PIP5K1C: variants seen among roughly 807,000 people sequenced by gnomAD.
PIP5K1C encodes the protein phosphatidylinositol 4-phosphate 5-kinase type-1 gamma.
In PIP5K1C, 45 loss-of-function variants were observed where a neutral mutation model predicts 80.1. That is an observed-to-expected ratio of 0.56 (90% CI 0.44 to 0.72). The LOEUF (loss-of-function observed/expected upper bound fraction) is 0.72, where lower values mean the gene tolerates loss of function less well. Among genes scored for constraint, PIP5K1C ranks in the 30% least tolerant of loss-of-function variants. PIP5K1C has a pLI of 0.00. For synonymous variants in PIP5K1C, 498 were observed against 420.1 expected (o/e 1.19, Z -2.27); for missense variants, 753 against 954.6 (o/e 0.79, Z 2.78).
chr19:3,645,409 G>T (rs144646535), intron 11 of PIP5K1C, among the ~76,000 whole-genome samples: 119 of 152,344 alleles, frequency 7.8e-4, no homozygotes, highest in African/African-American at 2.8e-3. Context: ...AGATGCTACA[G>T]TGGCCCATGA....
At chr19:3,671,200 T>G (rs952648414) in intron 1 of PIP5K1C, among the ~76,000 whole-genome samples, 3 of 152,134 alleles carry the variant, frequency 2.0e-5, no homozygotes, top group Non-Finnish European at 4.4e-5. Flanking sequence ...AAACCACCCC[T>G]CTGGGGCCCC....
Position 3,637,655 on chromosome 19 carries a change from CAG to C in PIP5K1C, c.1920+1227_1920+1228del, listed in dbSNP as rs778193459. 6 of 1,512,820 alleles carry C rather than the reference CAG, an allele frequency of 4.0e-6. No homozygotes were observed. The highest frequency in any genetic ancestry group is 3.7e-5 in the South Asian group (3 of 80,926). 93.7% of individuals were successfully genotyped at this position (1,512,820 alleles called of 1,614,324 possible). On this transcript the variant is annotated intron_variant, in intron 16 of 17. Coordinates refer to ENST00000335312, the MANE Select transcript of PIP5K1C (RefSeq NM_012398.3). The surrounding 1 kb of genome is among the most constrained non-coding windows in gnomAD (Gnocchi z 7.0). ...GGGTGGGCCGGAGGAGGAAGGAAAA[CAG>C]AGGACAGCGGATGAGGCGGCCACCC... is the stretch of plus-strand genomic sequence containing the variant.
chr19:3,690,096 A>T (rs141856430), intron 1 of PIP5K1C, among the ~76,000 whole-genome samples: 1 of 150,130 alleles, frequency 6.7e-6, no homozygotes, highest in African/African-American at 2.5e-5. Context: ...ACTCACTGCA[A>T]GTCTGATTAC....
rs959413576 is a variant in PIP5K1C at position 3,632,919 on chromosome 19, T to A, written c.*248A>T. ...TTCCGTCTCTGTGCCAAATAAGGAC[T>A]CAAATGCGATTGGCCGCTCGGGAGG... On this transcript the variant is annotated 3_prime_UTR_variant, in exon 18 of 18. Transcript: ENST00000335312. The A allele has an allele frequency of 1.9e-6, 1 of 528,548 alleles. No homozygotes were observed. The highest frequency in any genetic ancestry group is 3.3e-6 in the Non-Finnish European group (1 of 299,562). The allele number at this position is 528,548 out of a possible 1,614,324, so 32.7% of individuals were successfully genotyped here.
At chr19:3,689,547 G>T (rs1428071872) in intron 1 of PIP5K1C, among the ~76,000 whole-genome samples, 1 of 152,168 alleles carries the variant, frequency 6.6e-6, no homozygotes, top group African/African-American at 2.4e-5. Flanking sequence ...TACTTGGGAG[G>T]CTGAGGCAGC....
At chr19:3,645,844 G>C in intron 11 of PIP5K1C, 130 bp downstream of exon 11, 3 of 777,374 alleles carry the variant, frequency 3.9e-6, no homozygotes, top group African/African-American at 1.7e-5. Flanking sequence ...CGGTCTGAGG[G>C]GGGCACAGGG....
At chr19:3,670,457 C>T (rs1039731090) in intron 1 of PIP5K1C, among the ~76,000 whole-genome samples, 1 of 152,302 alleles carries the variant, frequency 6.6e-6, no homozygotes, top group African/African-American at 2.4e-5. Context: ...CAAGGATGCC[C>T]GGAGGCACCA....
rs573646250 is a variant in PIP5K1C at position 3,693,191 on chromosome 19, C to G, written c.94+7106G>C. Among the ~76,000 whole-genome samples the G allele has an allele frequency of 1.3e-3, 200 of 152,292 alleles. 3 individuals carry two copies. In the South Asian group the frequency reaches 0.019, roughly 15 times the overall value. ...CGCAGGAAAGCACACGTAGACGATG[C>G]CCGAACCACACCCCACTCCCGGAAA... On this transcript the variant is annotated intron_variant, in intron 1 of 17. Coordinates refer to ENST00000335312, the MANE Select transcript of PIP5K1C (RefSeq NM_012398.3).
At chr19:3,653,185 T>C (rs1004481405) in intron 7 of PIP5K1C, 105 bp downstream of exon 7, 25 of 1,022,444 alleles carry the variant, frequency 2.4e-5, no homozygotes, top group Non-Finnish European at 3.4e-5. Flanking sequence ...GCAGGGCAGG[T>C]GGGCCTCGGC....
Position 3,692,093 on chromosome 19 carries a change from C to A in PIP5K1C, c.94+8204G>T, listed in dbSNP as rs56246330. On this transcript the variant is annotated intron_variant, in intron 1 of 17. Coordinates refer to ENST00000335312, the MANE Select transcript of PIP5K1C (RefSeq NM_012398.3). The surrounding 1 kb of genome is among the most constrained non-coding windows in gnomAD (Gnocchi z 5.2). ...CACGTCCCTGTCCCCACTCCCTGGG[C>A]GCCCACCATGGGCAGGGCCGGCTCT... Among the ~76,000 whole-genome samples, 2 of 152,222 alleles carry A rather than the reference C, an allele frequency of 1.3e-5. No homozygotes were observed. The highest frequency in any genetic ancestry group is 4.8e-5 in the African/African-American group (2 of 41,440).
intron 1 of PIP5K1C, among the ~76,000 whole-genome samples, chr19:3,695,351 CCAACAG>C (rs1356076427): frequency 6.6e-6 from 1 of 152,230 alleles, no homozygotes; most frequent in East Asian, 1.9e-4. Flanking sequence ...TCCCTCTCCT[CCAACAG>C]CAACCTGGGA....
intron 1 of PIP5K1C, among the ~76,000 whole-genome samples, chr19:3,680,314 T>C (rs1209011696): frequency 2.6e-5 from 4 of 152,152 alleles, no homozygotes; most frequent in African/African-American, 9.7e-5. Context: ...GTCTTTTCTT[T>C]TTTCTTTTGA....
intron 5 of PIP5K1C, 133 bp from the exon 6 acceptor site, chr19:3,656,690 C>G (rs1271256849): frequency 1.1e-5 from 11 of 1,046,014 alleles, no homozygotes; most frequent in Non-Finnish European, 4.3e-6. Flanking sequence ...AAGAGAGGCT[C>G]AGAGAGGGCG....
At chr19:3,658,976 C>A (rs1001932691) in intron 5 of PIP5K1C, among the ~76,000 whole-genome samples, 4 of 152,176 alleles carry the variant, frequency 2.6e-5, no homozygotes, top group African/African-American at 9.7e-5. Flanking sequence ...TCCTCTCCAC[C>A]CTCTGCTGAC....
intron 7 of PIP5K1C, 145 bp downstream of exon 7, chr19:3,653,145 C>A: frequency 1.4e-6 from 1 of 692,352 alleles, no homozygotes; most frequent in South Asian, 1.8e-5. Flanking sequence ...GCTTCTGGAT[C>A]CCACACTGGG....
Position 3,665,013 on chromosome 19 carries a change from C to G in PIP5K1C, c.127-99G>C. ...TGGGAAGAAAGGTTTAGTCGTTGGG[C>G]CCAGCAGGGGTGCACAGGGCAGGGG... On this transcript the variant is annotated intron_variant, in intron 2 of 17. Transcript: ENST00000335312. 7 of 999,084 alleles carry G rather than the reference C, an allele frequency of 7.0e-6. No homozygotes were observed. The South Asian group carries it at 7.9e-5, about 11-fold the overall frequency. 61.9% of individuals were successfully genotyped at this position (999,084 alleles called of 1,614,324 possible). A position where few individuals can be genotyped will look rare whatever the true frequency, so the allele number is the denominator to read the frequency against.
chr19:3,650,907 C>T (rs1290810218), intron 8 of PIP5K1C, among the ~76,000 whole-genome samples: 1 of 152,076 alleles, frequency 6.6e-6, no homozygotes, highest in African/African-American at 2.4e-5. Context: ...CAGGCGTGCA[C>T]CACCACGCCC....
intron 1 of PIP5K1C, among the ~76,000 whole-genome samples, chr19:3,693,612 C>T (rs1436970519): frequency 3.3e-5 from 5 of 152,220 alleles, no homozygotes; most frequent in African/African-American, 9.6e-5. Flanking sequence ...CCCCGCTCCT[C>T]GTTCACAGCC....
At chr19:3,682,758 G>A (rs2035626208) in intron 1 of PIP5K1C, among the ~76,000 whole-genome samples, 3 of 152,126 alleles carry the variant, frequency 2.0e-5, no homozygotes, top group Admixed American at 6.5e-5. Flanking sequence ...AGCCCCAGTT[G>A]AGCCTTCAGA....
Sources: gnomAD v4.1 joint callset for allele counts (sites outside exome capture counted in the v4.1 genomes callset) on GRCh38, gnomAD v4.1.1 for gene constraint, Gnocchi (gnomAD v3.1) non-coding constraint, MANE v1.5 for transcripts, NCBI Gene and HGNC (gene_info 2026-07-23, HGNC 2026-07-21) for gene names.